Variants in DOP1A observed in about 807,000 individuals in gnomAD.
DOP1A encodes the protein protein DOP1A.
In DOP1A, 90 loss-of-function variants were observed where a neutral mutation model predicts 267.6. The observed-to-expected ratio is 0.34, with a 90% CI of 0.28 to 0.40. The LOEUF is 0.40. Ranked by LOEUF, DOP1A falls within the 10% of genes least tolerant of loss-of-function variation. The pLI, the probability that DOP1A is intolerant of heterozygous loss-of-function variation, is 1.00. For synonymous variants in DOP1A, 932 were observed against 999.1 expected (o/e 0.93, Z 1.27); for missense variants, 2,437 against 2,900.4 (o/e 0.84, Z 3.67).
intron 24 of DOP1A, among the ~76,000 whole-genome samples, chr6:83,142,619 T>TG (rs1451947222): frequency 6.6e-6 from 1 of 152,156 alleles, no homozygotes; most frequent in East Asian, 1.9e-4. Context: ...AATGGTAATA[T>TG]GGTACAGTAT....
rs761756161 is a variant in DOP1A, at chr6:83,153,507, A to G, written c.6130-4A>G. The G allele has an allele frequency of 3.2e-6, 5 of 1,577,746 alleles. No individual in the cohort carries two copies. In the South Asian group the frequency reaches 4.7e-5, roughly 15 times the overall value. ...GTTACTCTTCATTTTTTATGTTTTCATAGGTTTTGGCTCATCTTTTGGATA... is the reference window on the plus strand; with the variant it reads ...GTTACTCTTCATTTTTTATGTTTTCGTAGGTTTTGGCTCATCTTTTGGATA... On this transcript the variant is annotated splice_region_variant and splice_polypyrimidine_tract_variant and intron_variant, in intron 30 of 38. Transcript: ENST00000349129.
rs1471007861 is a variant in DOP1A, at chr6:83,148,859, C to G, written c.5833C>G (p.Leu1945Val). 13 of 1,509,738 alleles carry G rather than the reference C, an allele frequency of 8.6e-6. No individual in the cohort carries two copies. The highest frequency in any genetic ancestry group is 1.5e-5 in the African/African-American group (1 of 68,738). 93.5% of individuals were successfully genotyped at this position (1,509,738 alleles called of 1,614,324 possible). Residue 1945 changes from leucine to valine, a missense_variant, in exon 27 of 39, where the codon CTT (leucine) becomes GTT (valine). Transcript: ENST00000349129. The stretch of plus-strand genomic sequence containing the variant: ...TCCAGCTCCAGGGCAGTTTCTTATA[C>G]TTGGGTAAGCAATTTCACTTAATAT... ...SLPAPGQFLI[L>V]GVLNEFIMKN...
chr6:83,099,365 A>G (rs1772108121), intron 3 of DOP1A, among the ~76,000 whole-genome samples: 5 of 152,228 alleles, frequency 3.3e-5, no homozygotes, highest in Admixed American at 3.3e-4. Context: ...TGAAGTTTGA[A>G]TAATTCTTTA....
downstream of DOP1A, chr6:83,169,087 A>C: frequency 6.9e-7 from 1 of 1,441,166 alleles, no homozygotes; most frequent in Non-Finnish European, 9.1e-7. Context: ...TTATTCTGTT[A>C]GTGTTTAAGA....
At chr6:83,170,733 C>G, downstream of DOP1A, 1 of 348,886 alleles carries the variant, frequency 2.9e-6, no homozygotes, top group East Asian at 4.6e-5. Flanking sequence ...CCAGTAAATA[C>G]GATATGACTA....
chr6:83,134,831 A>G (rs1181572729), intron 19 of DOP1A, among the ~76,000 whole-genome samples: 2 of 152,192 alleles, frequency 1.3e-5, no homozygotes, highest in Non-Finnish European at 1.5e-5. Flanking sequence ...AGGTGGATTC[A>G]TATATTGTCA....
At chr6:83,076,011 C>T (rs576954450) in intron 1 of DOP1A, among the ~76,000 whole-genome samples, 1 of 152,226 alleles carries the variant, frequency 6.6e-6, no homozygotes, top group South Asian at 2.1e-4. Context: ...TTAAAACTTT[C>T]TGTGCATCAG....
Position 83,158,665 on chromosome 6 carries a change from C to T in DOP1A, c.6797+43C>T, listed in dbSNP as rs45469502. 1.6e-3 allele frequency: 2,159 copies of T among 1,355,612 alleles called. 24 individuals are homozygous for T. The African/African-American group carries it at 0.025, about 16-fold the overall frequency. 84.0% of individuals were successfully genotyped at this position (1,355,612 alleles called of 1,614,324 possible). Reference sequence around the variant, plus strand: ...TATATTGTTGTCCATTTTTTAATACCCTGAAATTATTCAGAATATTACTCA... The same window carrying T: ...TATATTGTTGTCCATTTTTTAATACTCTGAAATTATTCAGAATATTACTCA... On this transcript the variant is annotated intron_variant, in intron 36 of 38. Coordinates refer to ENST00000349129, the MANE Select transcript of DOP1A (RefSeq NM_015018.4).
In DOP1A at chr6:83,153,631, T is replaced by C; in HGVS notation, c.6239+11T>C. ...CCTCAGAAATCACAGGTACTATCATTATTTAAATAGTTTTTAAAATTAATT... is the reference window on the plus strand; with the variant it reads ...CCTCAGAAATCACAGGTACTATCATCATTTAAATAGTTTTTAAAATTAATT... On this transcript the variant is annotated intron_variant, in intron 31 of 38. Coordinates refer to ENST00000349129, the MANE Select transcript of DOP1A (RefSeq NM_015018.4). 1 of 1,548,796 alleles carries C rather than the reference T, an allele frequency of 6.5e-7. No individual in the cohort carries two copies. Among genetic ancestry groups the C allele is most frequent in the Non-Finnish European group, 8.8e-7 (1 of 1,142,318 alleles).
intron 1 of DOP1A, among the ~76,000 whole-genome samples, chr6:83,069,805 G>C (rs1169547210): frequency 2.0e-5 from 3 of 152,182 alleles, no homozygotes; most frequent in Admixed American, 1.3e-4. Context: ...GCATTTTGAG[G>C]TTCCAACAAG....
At chr6:83,116,249 ATATTC>A (rs751625912) in intron 7 of DOP1A, among the ~76,000 whole-genome samples, 2 of 152,228 alleles carry the variant, frequency 1.3e-5, no homozygotes, top group Non-Finnish European at 2.9e-5. Context: ...TGAACTTTTC[ATATTC>A]TATTCCACTA....
At chr6:83,157,458 G>T in intron 35 of DOP1A, 140 bp downstream of exon 35, 1 of 895,536 alleles carries the variant, frequency 1.1e-6, no homozygotes, top group Non-Finnish European at 1.7e-6. Flanking sequence ...TTTTACAGTT[G>T]AAAATAGTAA....
chr6:83,146,537 A>G (rs1489696069), intron 25 of DOP1A, among the ~76,000 whole-genome samples: 1 of 152,180 alleles, frequency 6.6e-6, no homozygotes, highest in African/African-American at 2.4e-5. Flanking sequence ...CATGAGGGAT[A>G]TGAAAACAAA....
At chr6:83,148,481 T>C (rs1027321549) in intron 26 of DOP1A, among the ~76,000 whole-genome samples, 1 of 151,840 alleles carries the variant, frequency 6.6e-6, no homozygotes, top group African/African-American at 2.4e-5. Flanking sequence ...ATGCCCATAA[T>C]CCCAACACTT....
rs576389254 is a variant in DOP1A at position 83,159,789 on chromosome 6, C to T, written c.6798-7C>T. The T allele has an allele frequency of 5.5e-5, 88 of 1,614,106 alleles. No homozygotes were observed. In the South Asian group the frequency reaches 9.2e-4, roughly 17 times the overall value. ...CAGCTGCTGACAGCACTGTCTCCTG[C>T]TTACAGGACTTCAGGGCCCTCTGTG... On this transcript the variant is annotated splice_polypyrimidine_tract_variant and splice_region_variant and intron_variant, in intron 36 of 38. Coordinates refer to ENST00000349129, the MANE Select transcript of DOP1A (RefSeq NM_015018.4).
chr6:83,152,286 A>T lies in DOP1A; in HGVS notation c.6050-2A>T. On this transcript the variant is annotated splice_acceptor_variant, in intron 29 of 38. Coordinates refer to ENST00000349129, the MANE Select transcript of DOP1A (RefSeq NM_015018.4). LOFTEE classifies it high-confidence loss of function. ...ATATCTTTAATTTTCTCTTATTTAT[A>T]GATATGTTATCACCTGCAATGGAAA... The T allele has an allele frequency of 6.5e-7, 1 of 1,542,700 alleles. No homozygotes were observed. The highest frequency in any genetic ancestry group is 8.8e-7 in the Non-Finnish European group (1 of 1,137,752).
Position 83,077,819 on chromosome 6 carries a change from T to C in DOP1A, c.-147+10040T>C, listed in dbSNP as rs550046032. Among the ~76,000 whole-genome samples the C allele has an allele frequency of 2.0e-5, 3 of 152,348 alleles. No individual in the cohort carries two copies. In the East Asian group the frequency reaches 5.8e-4, roughly 29 times the overall value. On this transcript the variant is annotated intron_variant, in intron 1 of 38. Coordinates refer to ENST00000349129, the MANE Select transcript of DOP1A (RefSeq NM_015018.4). ...CTGGGCCACATTGGAAGAAGAATTG[T>C]CTCAGGCCACACATAAAATACACTA...
chr6:83,086,968 G>C (rs1262420294), intron 1 of DOP1A, among the ~76,000 whole-genome samples: 1 of 152,070 alleles, frequency 6.6e-6, no homozygotes, highest in African/African-American at 2.4e-5. Context: ...TAGACTTTAG[G>C]CTGTAGACAG....
chr6:83,153,204 A>G (rs1273160330), intron 30 of DOP1A, among the ~76,000 whole-genome samples: 2 of 152,124 alleles, frequency 1.3e-5, no homozygotes, highest in African/African-American at 2.4e-5. Context: ...AAAGAATACT[A>G]TAGTTTCTAG....
Sources: gnomAD v4.1 joint callset for allele counts (sites outside exome capture counted in the v4.1 genomes callset) on GRCh38, gnomAD v4.1.1 for gene constraint, MANE v1.5 for transcripts, NCBI Gene and HGNC (gene_info 2026-07-23, HGNC 2026-07-21) for gene names.